The following ARMH4 variants were observed in gnomAD, a reference collection of about 807,000 sequenced individuals.
ARMH4 encodes armadillo-like helical domain-containing protein 4.
A neutral mutation model predicts 61.9 loss-of-function variants in ARMH4; 49 were observed. The observed-to-expected ratio is 0.79, with a 90% CI of 0.63 to 1.00. The LOEUF (loss-of-function observed/expected upper bound fraction) is 1.00. Ranked by LOEUF, ARMH4 falls within the 50% of genes least tolerant of loss-of-function variation. The pLI, the probability that ARMH4 is intolerant of heterozygous loss-of-function variation, is 0.00. For synonymous variants in ARMH4, 368 were observed against 341.5 expected, an observed-to-expected ratio of 1.08 and a Z score of -0.85; for missense variants, 934 against 930.0, an observed-to-expected ratio of 1.00 and a Z score of -0.06.
At chr14:58,065,098 C>A (rs922334606) in intron 5 of ARMH4, among the ~76,000 whole-genome samples, 9 of 152,088 alleles carry the variant, frequency 5.9e-5, no homozygotes, top group Admixed American at 1.3e-4. Flanking sequence ...AAAAATTAGC[C>A]GGGCGTGTTG....
intron 1 of ARMH4, among the ~76,000 whole-genome samples, chr14:58,140,041 G>A (rs1285420884): frequency 6.7e-6 from 1 of 149,486 alleles, no homozygotes; most frequent in East Asian, 2.0e-4. Context: ...GGCTGACATG[G>A]GTGGATCACC....
Position 58,138,988 on chromosome 14 carries a change from T to C in ARMH4, c.371A>G (p.Glu124Gly). ...CTCTGGCTGGCTGGAACCAAATACT[T>C]CTTCAGCTGAGGGGACACCTGACTC... The part of the protein sequence containing the change: ...PTESGVPSAE[E>G]VFGSSQPERI... The change falls in exon 2 of 8, where the codon GAA becomes GGA. Residue 124 changes from glutamate to glycine, a missense_variant. Glu to Gly is a moderately conservative substitution (Grantham distance 98). Transcript: ENST00000267485. 6.2e-7 allele frequency: 1 copy of C among 1,614,232 alleles called. No individual in the cohort carries two copies. The highest frequency in any genetic ancestry group is 8.5e-7 in the Non-Finnish European group (1 of 1,180,046).
intron 4 of ARMH4, among the ~76,000 whole-genome samples, chr14:58,126,342 C>T (rs1248816698): frequency 1.3e-5 from 2 of 152,080 alleles, no homozygotes; most frequent in Admixed American, 6.6e-5. Context: ...CTGAAATTCC[C>T]GTTATCAGTA....
At chr14:58,008,008 A>G (rs1033612148) in intron 6 of ARMH4, among the ~76,000 whole-genome samples, 5 of 152,230 alleles carry the variant, frequency 3.3e-5, no homozygotes, top group African/African-American at 1.2e-4. Context: ...GTGTTACATA[A>G]TCCTAAAGTG....
intron 5 of ARMH4, among the ~76,000 whole-genome samples, chr14:58,072,805 A>T (rs1738991275): frequency 6.6e-6 from 1 of 152,068 alleles, no homozygotes; most frequent in Admixed American, 6.6e-5. Context: ...AGGAAGAGCC[A>T]TCTTTTAATT....
intron 5 of ARMH4, among the ~76,000 whole-genome samples, chr14:58,020,599 G>A (rs1594695213): frequency 6.6e-6 from 1 of 152,226 alleles, no homozygotes; most frequent in East Asian, 1.9e-4. Context: ...TGTGGTGTGT[G>A]TGGGGTGAGG....
At position 58,138,936 on chromosome 14, in the gene ARMH4, G is replaced by A. The variant is rs775999176; in HGVS notation, c.423C>T (p.Ala141=). Residue 141 remains alanine, a synonymous_variant, in exon 2 of 8, where the codon GCC becomes GCT. Coordinates refer to ENST00000267485, the MANE Select transcript of ARMH4 (RefSeq NM_001001872.4). ...PERISPESGL[A]KAMLTIAITA... ...TGATAGCAATGGTTAACATGGCCTTGGCAAGTCCACTTTCAGGAGATATTC... is the reference window on the plus strand; with the variant it reads ...TGATAGCAATGGTTAACATGGCCTTAGCAAGTCCACTTTCAGGAGATATTC... The A allele has an allele frequency of 1.5e-5, 24 of 1,614,044 alleles. No homozygotes were observed. Among genetic ancestry groups the A allele is most frequent in the Non-Finnish European group, 2.0e-5 (24 of 1,180,040 alleles).
intron 4 of ARMH4, among the ~76,000 whole-genome samples, chr14:58,098,452 G>A (rs893567648): frequency 6.6e-6 from 1 of 152,128 alleles, no homozygotes; most frequent in Non-Finnish European, 1.5e-5. Context: ...TACACCAATA[G>A]GCAGGTGACT....
chr14:58,074,116 T>A (rs1460235906), intron 5 of ARMH4, among the ~76,000 whole-genome samples: 1 of 152,174 alleles, frequency 6.6e-6, no homozygotes, highest in Non-Finnish European at 1.5e-5. Context: ...AAACCTGAAA[T>A]TCACCTTGAT....
intron 4 of ARMH4, among the ~76,000 whole-genome samples, chr14:58,118,061 C>G (rs1212427662): frequency 6.6e-6 from 1 of 152,172 alleles, no homozygotes; most frequent in Non-Finnish European, 1.5e-5. Context: ...CTCACTTATT[C>G]TACTCATCAG....
intron 6 of ARMH4, among the ~76,000 whole-genome samples, chr14:58,007,175 T>A (rs1882209350): frequency 1.3e-5 from 2 of 152,168 alleles, no homozygotes; most frequent in African/African-American, 4.8e-5. Flanking sequence ...TACAGTAACA[T>A]TTGAACTTTT....
At chr14:58,028,004 G>C (rs191386110) in intron 5 of ARMH4, among the ~76,000 whole-genome samples, 2 of 152,280 alleles carry the variant, frequency 1.3e-5, no homozygotes, top group Admixed American at 6.5e-5. Flanking sequence ...GAACAGGCCA[G>C]ACTCTCTTTC....
At chr14:58,081,647 C>T (rs1885228901) in intron 5 of ARMH4, among the ~76,000 whole-genome samples, 1 of 151,948 alleles carries the variant, frequency 6.6e-6, no homozygotes, top group South Asian at 2.1e-4. Context: ...ACTACAGGCA[C>T]CCACCACCAC....
Position 58,054,689 on chromosome 14 carries a change from G to C in ARMH4, c.2089+42035C>G, listed in dbSNP as rs543516633. 6.6e-5 allele frequency among the ~76,000 whole-genome samples: 10 copies of C among 152,134 alleles called. 1 individual carries two copies. The highest frequency in any genetic ancestry group is 4.6e-4 in the Admixed American group (7 of 15,276). On this transcript the variant is annotated intron_variant, in intron 5 of 7. Coordinates refer to ENST00000267485, the MANE Select transcript of ARMH4 (RefSeq NM_001001872.4). ...GAGGCAGGCAGATTACCTGAAGTCA[G>C]GAGTTCGAGACCAGCCTGGCCAACA... is the stretch of plus-strand genomic sequence containing the variant.
chr14:58,062,631 C>G (rs1675273257), intron 5 of ARMH4, among the ~76,000 whole-genome samples: 1 of 152,194 alleles, frequency 6.6e-6, no homozygotes, highest in Non-Finnish European at 1.5e-5. Flanking sequence ...GGGCACGAGG[C>G]TAAGTGTTCT....
At chr14:58,040,867 T>C (rs1883669433) in intron 5 of ARMH4, among the ~76,000 whole-genome samples, 2 of 152,202 alleles carry the variant, frequency 1.3e-5, no homozygotes, top group African/African-American at 2.4e-5. Context: ...ACATAGAAGA[T>C]GGTTTCTAAG....
intron 5 of ARMH4, among the ~76,000 whole-genome samples, chr14:58,039,284 C>G (rs1454391883): frequency 6.6e-6 from 1 of 152,184 alleles, no homozygotes; most frequent in Non-Finnish European, 1.5e-5. Context: ...TTCTCTTTAT[C>G]CTTTCCAGGT....
intron 5 of ARMH4, among the ~76,000 whole-genome samples, chr14:58,030,065 T>C (rs1235924440): frequency 6.6e-6 from 1 of 152,216 alleles, no homozygotes; most frequent in African/African-American, 2.4e-5. Context: ...AAAATTTTTA[T>C]GTACCTTGAA....
At chr14:58,091,277 C>A (rs1049712230) in intron 5 of ARMH4, among the ~76,000 whole-genome samples, 2 of 152,080 alleles carry the variant, frequency 1.3e-5, no homozygotes, top group African/African-American at 4.8e-5. Flanking sequence ...TGAACAATGT[C>A]TTTTCTGTGA....
Sources: allele counts gnomAD v4.1 joint callset (sites outside exome capture counted in the v4.1 genomes callset), GRCh38; gene constraint gnomAD v4.1.1; transcripts MANE v1.5; gene names NCBI Gene and HGNC (gene_info 2026-07-23, HGNC 2026-07-21).